The following ATIC variants were observed in gnomAD, a reference collection of about 807,000 sequenced individuals.
ATIC encodes the protein 5-aminoimidazole-4-carboxamide ribonucleotide formyltransferase/IMP cyclohydrolase.
Under a neutral mutation model 72.5 loss-of-function variants are expected in ATIC, and 64 were observed. That is an observed-to-expected ratio of 0.88 (90% CI 0.72 to 1.09). The LOEUF is 1.09. Ranked by LOEUF, ATIC falls within the 50% of genes least tolerant of loss-of-function variation. The pLI, the probability that ATIC is intolerant of heterozygous loss-of-function variation, is 0.00. For synonymous variants in ATIC, 281 were observed against 267.1 expected (o/e 1.05, Z -0.51); for missense variants, 787 against 732.4 (o/e 1.07, Z -0.86).
chr2:215,357,875 T>C, the ATIC span, among the ~76,000 whole-genome samples: 9 of 151,808 alleles, frequency 5.9e-5, no homozygotes, highest in South Asian at 2.1e-4. Context: ...AAGAGTTGAA[T>C]TGTCTCCCTT....
chr2:215,332,243 T>C, intron 7 of ATIC, 139 bp from the exon 8 acceptor site: 3 of 1,266,314 alleles, frequency 2.4e-6, no homozygotes, highest in Non-Finnish European at 2.2e-6. Flanking sequence ...ATCATCAAGA[T>C]TTTATGTTTG....
the ATIC span, chr2:215,368,095 A>C: frequency 6.7e-6 from 10 of 1,492,978 alleles, no homozygotes; most frequent in Admixed American, 1.7e-5. Flanking sequence ...TAAGAAGAAA[A>C]TCGAATGACT....
intron 9 of ATIC, among the ~76,000 whole-genome samples, chr2:215,334,348 C>T (rs1249995794): frequency 6.6e-6 from 1 of 151,736 alleles, no homozygotes; most frequent in Non-Finnish European, 1.5e-5. Context: ...TGCGTGCCAC[C>T]ACACCTGGCT....
chr2:215,336,220 G>A (rs1575121782), intron 11 of ATIC, 96 bp downstream of exon 11: 1 of 950,828 alleles, frequency 1.1e-6, no homozygotes, highest in East Asian at 2.4e-5. Context: ...TACCCTTCTA[G>A]TTTATCCTTA....
intron 14 of ATIC, chr2:215,347,161 C>T (rs937180811): frequency 5.1e-6 from 3 of 591,696 alleles, no homozygotes; most frequent in Admixed American, 6.0e-5. Flanking sequence ...AACCACAGTC[C>T]TCTGTCTTTT....
At chr2:215,344,294 T>C (rs1209083706) in intron 12 of ATIC, among the ~76,000 whole-genome samples, 1 of 152,204 alleles carries the variant, frequency 6.6e-6, no homozygotes, top group Admixed American at 6.5e-5. Flanking sequence ...TGTTAAATAT[T>C]TAAGTAAATC....
intron 13 of ATIC, chr2:215,345,436 C>G (rs192297692): frequency 5.9e-5 from 10 of 169,998 alleles, no homozygotes; most frequent in African/African-American, 2.4e-4. Flanking sequence ...CAGTATGTGA[C>G]CGCTGCCACA....
intron 7 of ATIC, among the ~76,000 whole-genome samples, chr2:215,331,787 G>A (rs1388410040): frequency 6.6e-6 from 1 of 152,116 alleles, no homozygotes; most frequent in Non-Finnish European, 1.5e-5. Flanking sequence ...TGCCAGTGTT[G>A]AGAAACTAGG....
At chr2:215,352,101 T>TGTCCTGGATAGC (rs2053134965), downstream of ATIC, among the ~76,000 whole-genome samples, 1 of 152,182 alleles carries the variant, frequency 6.6e-6, no homozygotes, top group African/African-American at 2.4e-5. Context: ...TGCAGTGTGG[T>TGTCCTGGATAGC]GTCCTGGATA....
intron 7 of ATIC, among the ~76,000 whole-genome samples, chr2:215,331,277 C>T (rs968659585): frequency 1.3e-5 from 2 of 151,742 alleles, no homozygotes; most frequent in Non-Finnish European, 2.9e-5. Context: ...ATACCTAGAA[C>T]AGTGCTTAAC....
intron 2 of ATIC, among the ~76,000 whole-genome samples, chr2:215,313,138 A>G (rs1471580321): frequency 6.6e-6 from 1 of 152,212 alleles, no homozygotes; most frequent in Non-Finnish European, 1.5e-5. Flanking sequence ...AAGTTTAAAC[A>G]GTTGAGTAAG....
At chr2:215,356,838 G>T in the ATIC span, among the ~76,000 whole-genome samples, 1 of 152,128 alleles carries the variant, frequency 6.6e-6, no homozygotes, top group Non-Finnish European at 1.5e-5. Context: ...TTCATTAGTC[G>T]ATGGACATTG....
intron 9 of ATIC, among the ~76,000 whole-genome samples, chr2:215,333,743 G>C (rs998724984): frequency 6.6e-6 from 1 of 152,032 alleles, no homozygotes; most frequent in African/African-American, 2.4e-5. Context: ...CTTTATAAAA[G>C]TGTATGTTAG....
intron 7 of ATIC, 88 bp downstream of exon 7, chr2:215,327,066 A>G: frequency 6.3e-7 from 1 of 1,585,400 alleles, no homozygotes; most frequent in African/African-American, 1.3e-5. Context: ...TCACATTCAG[A>G]AGATGATACA....
the ATIC span, among the ~76,000 whole-genome samples, chr2:215,357,848 CTT>C: frequency 1.4e-5 from 2 of 143,290 alleles, no homozygotes; most frequent in African/African-American, 2.5e-5. Context: ...CAACAGCGGT[CTT>C]TTTTTTTTTT....
At chr2:215,340,053 G>T (rs143134634) in intron 12 of ATIC, among the ~76,000 whole-genome samples, 1 of 152,106 alleles carries the variant, frequency 6.6e-6, no homozygotes, top group Admixed American at 6.5e-5. Flanking sequence ...GCAGTGGTGC[G>T]ATCATAGCTC....
the ATIC span, among the ~76,000 whole-genome samples, chr2:215,355,231 G>C: frequency 3.7e-4 from 57 of 152,122 alleles, no homozygotes; most frequent in Non-Finnish European, 6.8e-4. Flanking sequence ...TGAGCACTTT[G>C]GGAGGGTCTG....
At chr2:215,367,854 A>G in the ATIC span, 1 of 1,613,848 alleles carries the variant, frequency 6.2e-7, no homozygotes, top group Non-Finnish European at 8.5e-7. Flanking sequence ...GGACAAAGCA[A>G]CTACTCACTA....
the ATIC span, chr2:215,367,623 T>A: frequency 3.7e-6 from 2 of 536,870 alleles, no homozygotes; most frequent in South Asian, 4.1e-5. Flanking sequence ...CACCATAATC[T>A]TATGTGTAAT....
Sources: gnomAD v4.1 joint callset for allele counts (sites outside exome capture counted in the v4.1 genomes callset) on GRCh38, gnomAD v4.1.1 for gene constraint, MANE v1.5 for transcripts, NCBI Gene and HGNC (gene_info 2026-07-23, HGNC 2026-07-21) for gene names.